Variants in RANBP2 observed in about 807,000 individuals in gnomAD.
The protein encoded by RANBP2 is RAN binding protein 2.
Under a neutral mutation model 303.6 loss-of-function variants are expected in RANBP2, and 57 were observed. That is an observed-to-expected ratio of 0.19 (90% CI 0.15 to 0.23). RANBP2 has a LOEUF of 0.23. Ranked by LOEUF, RANBP2 falls within the 10% of genes least tolerant of loss-of-function variation. The pLI is 1.00. For missense variants in RANBP2, 3,138 were observed against 3,780.8 expected (o/e 0.83, Z 4.46); for synonymous variants, 1,167 against 1,301.5 (o/e 0.90, Z 2.23).
chr2:109,377,892 T>C, the RANBP2 span, among the ~76,000 whole-genome samples: 1 of 152,200 alleles, frequency 6.6e-6, no homozygotes, highest in East Asian at 1.9e-4. Context: ...CTTGAGACGT[T>C]TGGTGGTGAC....
chr2:109,403,918 G>A, the RANBP2 span, among the ~76,000 whole-genome samples: 10 of 152,216 alleles, frequency 6.6e-5, no homozygotes, highest in Non-Finnish European at 1.3e-4. Context: ...GAGTGAGGGC[G>A]TGCGTGCGGG....
chr2:108,854,054 T>G, the RANBP2 span, among the ~76,000 whole-genome samples: 1 of 84,392 alleles, frequency 1.2e-5, no homozygotes, highest in African/African-American at 4.9e-5. Flanking sequence ...AATAAATTTA[T>G]ATTATATATA....
At chr2:109,736,629 G>A in the RANBP2 span, among the ~76,000 whole-genome samples, 1 of 152,082 alleles carries the variant, frequency 6.6e-6, no homozygotes, top group African/African-American at 2.4e-5. Context: ...TAGTAGACGT[G>A]ATTGTGCCTC....
chr2:109,129,291 C>T, the RANBP2 span: 2 of 691,384 alleles, frequency 2.9e-6, no homozygotes, highest in Non-Finnish European at 4.8e-6. Flanking sequence ...AGCCCGCAGC[C>T]GCAGGCGCTG....
At position 108,748,984 on chromosome 2, in the gene RANBP2, T is replaced by C. The variant is rs1675619414; in HGVS notation, c.1128T>C (p.Phe376=). The change falls in exon 9 of 29, where the codon TTT becomes TTC. Residue 376 remains phenylalanine (F), a synonymous_variant. Coordinates refer to ENST00000283195, the MANE Select transcript of RANBP2 (RefSeq NM_006267.5). Reference sequence around the variant, plus strand: ...TTTTAAAAGAGATTGTTGAAACTTTTGCCAACAAAAGCGGGCAGTCTGCAT... The same window carrying C: ...TTTTAAAAGAGATTGTTGAAACTTTCGCCAACAAAAGCGGGCAGTCTGCAT... The part of the protein sequence containing the change: ...QDFLKEIVET[F]ANKSGQSALY... The C allele has an allele frequency of 1.2e-6, 2 of 1,612,036 alleles. No individual in the cohort carries two copies. Among genetic ancestry groups the C allele is most frequent in the African/African-American group, 2.7e-5 (2 of 74,986 alleles).
the RANBP2 span, among the ~76,000 whole-genome samples, chr2:109,560,144 T>A: frequency 3.9e-5 from 6 of 152,068 alleles, no homozygotes; most frequent in African/African-American, 1.4e-4. Context: ...ATAGTCTTGA[T>A]CTCCTGACCT....
At chr2:109,644,966 G>A in the RANBP2 span, among the ~76,000 whole-genome samples, 3 of 152,144 alleles carry the variant, frequency 2.0e-5, no homozygotes, top group South Asian at 6.2e-4. Flanking sequence ...TTGCTCCTGC[G>A]AGTTCCCACT....
At chr2:109,296,108 C>T in the RANBP2 span, among the ~76,000 whole-genome samples, 1 of 152,126 alleles carries the variant, frequency 6.6e-6, no homozygotes, top group Non-Finnish European at 1.5e-5. Flanking sequence ...CTGCTGGGTC[C>T]ATTCACTGTT....
chr2:109,573,396 A>G, the RANBP2 span, among the ~76,000 whole-genome samples: 1 of 152,244 alleles, frequency 6.6e-6, no homozygotes, highest in African/African-American at 2.4e-5. Context: ...TTTAACAAAT[A>G]TGAATTTCCA....
the RANBP2 span, among the ~76,000 whole-genome samples, chr2:109,419,043 G>A: frequency 3.9e-5 from 6 of 152,216 alleles, no homozygotes; most frequent in South Asian, 2.1e-4. Context: ...TGGGGTCTTG[G>A]GGGGAGGGGG....
At chr2:108,837,033 G>A in the RANBP2 span, among the ~76,000 whole-genome samples, 1 of 151,928 alleles carries the variant, frequency 6.6e-6, no homozygotes, top group African/African-American at 2.4e-5. Context: ...CTCCAATTTG[G>A]ATACTTTTTA....
At chr2:109,539,435 G>A in the RANBP2 span, among the ~76,000 whole-genome samples, 1 of 152,074 alleles carries the variant, frequency 6.6e-6, no homozygotes, top group Non-Finnish European at 1.5e-5. Flanking sequence ...AAGTCAACCC[G>A]TGAAGCCTGG....
the RANBP2 span, among the ~76,000 whole-genome samples, chr2:109,456,163 G>A: frequency 4.8e-3 from 727 of 152,314 alleles, 4 homozygotes; most frequent in African/African-American, 0.017. Context: ...ATGGGCCATG[G>A]AAACCACCTC....
rs1413721317 is a variant in RANBP2, at chr2:108,754,032, G to A, written c.2202+61G>A. 5.0e-5 allele frequency: 80 copies of A among 1,610,766 alleles called. No homozygotes were observed. The Admixed American group carries it at 7.8e-4, about 16-fold the overall frequency. ...ATAACCCACTGGTCAATGTTTTTGC[G>A]TTGGTCTTATATTTTGGTAATTTCA... On this transcript the variant is annotated intron_variant, in intron 15 of 28. Transcript: ENST00000283195.
chr2:108,782,572 A>G lies in RANBP2; in HGVS notation c.9079A>G (p.Lys3027Glu), dbSNP rs573802216. 4 of 1,614,240 alleles carry G rather than the reference A, an allele frequency of 2.5e-6. No homozygotes were observed. Among genetic ancestry groups the G allele is most frequent in the African/African-American group, 2.7e-5 (2 of 75,070 alleles). Residue 3027 changes from lysine to glutamate, a missense_variant, in exon 28 of 29, where the codon AAA becomes GAA. Lys to Glu is a moderately conservative substitution (Grantham distance 56). Transcript: ENST00000283195. ...VEQLAVRFKT[K>E]EVADCFKKTF... Reference sequence around the variant, plus strand: ...ACAGCTTGCAGTGAGATTTAAAACTAAAGAAGTAGCTGATTGTTTCAAGAA... The same window carrying G: ...ACAGCTTGCAGTGAGATTTAAAACTGAAGAAGTAGCTGATTGTTTCAAGAA...
the RANBP2 span, among the ~76,000 whole-genome samples, chr2:109,263,837 G>C: frequency 1.3e-5 from 2 of 152,180 alleles, no homozygotes; most frequent in African/African-American, 4.8e-5. Flanking sequence ...GCATGGTGGC[G>C]GGAGCCTGTA....
the RANBP2 span, among the ~76,000 whole-genome samples, chr2:109,280,226 G>T: frequency 2.0e-5 from 3 of 152,302 alleles, no homozygotes; most frequent in Non-Finnish European, 4.4e-5. Flanking sequence ...AGAACACCTG[G>T]CTGTGGAGAA....
the RANBP2 span, among the ~76,000 whole-genome samples, chr2:109,022,179 C>T: frequency 6.6e-6 from 1 of 152,238 alleles, no homozygotes; most frequent in Non-Finnish European, 1.5e-5. Flanking sequence ...GTGGCTGGAA[C>T]TCAGGCAGAG....
the RANBP2 span, chr2:109,614,010 G>C: frequency 9.8e-5 from 118 of 1,202,028 alleles, no homozygotes; most frequent in Non-Finnish European, 1.2e-4. Flanking sequence ...GCGGGGTTGG[G>C]GCGGACGCCC....
Sources: gnomAD v4.1 joint callset for allele counts (sites outside exome capture counted in the v4.1 genomes callset) on GRCh38, gnomAD v4.1.1 for gene constraint, MANE v1.5 for transcripts, NCBI Gene and HGNC (gene_info 2026-07-23, HGNC 2026-07-21) for gene names.